ARL17A: variants seen among roughly 807,000 people sequenced by gnomAD.
ARL17A encodes the protein ADP-ribosylation factor-like 17-like.
At chr17:46,541,656 C>T (rs1180348553) in intron 3 of ARL17A, among the ~76,000 whole-genome samples, 2 of 150,666 alleles carry the variant, frequency 1.3e-5, no homozygotes, top group Non-Finnish European at 2.9e-5. Flanking sequence ...ATAGATTCAA[C>T]GAACCATGGA....
chr17:46,539,212 GAAA>G (rs1166753209), intron 3 of ARL17A, among the ~76,000 whole-genome samples: 1 of 40,030 alleles, frequency 2.5e-5, no homozygotes. Context: ...CTCCATCTCA[GAAA>G]AAAAAAAAAA....
downstream of ARL17A, among the ~76,000 whole-genome samples, chr17:46,550,948 C>T (rs2056733255): frequency 6.7e-6 from 1 of 149,160 alleles, no homozygotes; most frequent in African/African-American, 2.6e-5. Context: ...TACGTATTGT[C>T]TTGTAGACTT....
At chr17:46,502,033 T>C in the ARL17A span, among the ~76,000 whole-genome samples, 2 of 151,322 alleles carry the variant, frequency 1.3e-5, no homozygotes, top group Non-Finnish European at 2.9e-5. Context: ...CACTCAAATA[T>C]GGTAAAGGTA....
At chr17:46,534,568 A>G (rs1198339711) in intron 4 of ARL17A, among the ~76,000 whole-genome samples, 1 of 147,650 alleles carries the variant, frequency 6.8e-6, no homozygotes, top group Non-Finnish European at 1.5e-5. Flanking sequence ...TTAGTACAGA[A>G]CAAAATGGAG....
At chr17:46,525,736 T>G (rs1444032126), downstream of ARL17A, among the ~76,000 whole-genome samples, 2 of 101,508 alleles carry the variant, frequency 2.0e-5, no homozygotes, top group Admixed American at 1.9e-4. Context: ...TCAAAAACAT[T>G]CAGAGTGTCA....
At position 46,529,073 on chromosome 17, in the gene ARL17A, T is replaced by C. The variant is rs2053249540; in HGVS notation, c.336-214A>G. Among the ~76,000 whole-genome samples, 4 of 115,374 alleles carry C rather than the reference T, an allele frequency of 3.5e-5. No individual in the cohort carries two copies. The South Asian group carries it at 1.1e-3, about 33-fold the overall frequency. The allele number at this position is 115,374 out of a possible 152,430, so 75.7% of individuals were successfully genotyped here. ...CTTTGGACATTTTTTCAGCTAGAGC[T>C]GTTAGGATTTCAGTACATTTAAGAC... On this transcript the variant is annotated intron_variant, in intron 4 of 4. Transcript: ENST00000329240.
At chr17:46,545,862 A>T (rs1168850307) in intron 3 of ARL17A, among the ~76,000 whole-genome samples, 2 of 150,332 alleles carry the variant, frequency 1.3e-5, no homozygotes, top group South Asian at 2.1e-4. Context: ...GTAATTTATA[A>T]TATTTCCCAC....
chr17:46,525,573 T>A (rs1203970085), downstream of ARL17A, among the ~76,000 whole-genome samples: 1 of 101,818 alleles, frequency 9.8e-6, no homozygotes, highest in Non-Finnish European at 2.1e-5. Context: ...AGGGACAGAG[T>A]GAGACTCTGT....
At chr17:46,550,384 T>C, downstream of ARL17A, 1 of 748,948 alleles carries the variant, frequency 1.3e-6, no homozygotes, top group South Asian at 2.2e-5. Flanking sequence ...GCTCTCATTC[T>C]GGTTTTTTTT....
downstream of ARL17A, chr17:46,550,417 C>CA: frequency 1.4e-6 from 1 of 730,934 alleles, no homozygotes; most frequent in Non-Finnish European, 2.0e-6. Context: ...TTTTTTAGCT[C>CA]AAAAAAGAAG....
In ARL17A at chr17:46,558,836, CTTTTTTTTTTTT is replaced by C. The variant is rs765462293; in HGVS notation, c.260-1218_260-1207del. 106 of 71,826 alleles carry C rather than the reference CTTTTTTTTTTTT, an allele frequency of 1.5e-3. 5 individuals carry two copies. Among genetic ancestry groups the C allele is most frequent in the African/African-American group, 6.9e-3 (104 of 15,142 alleles). 4.4% of individuals were successfully genotyped at this position (71,826 alleles called of 1,614,324 possible). ...CCCAGAAAAAGGGACCTCTTTTATTCTTTTTTTTTTTTTTTTTTTTTTTTCAGAGACGGGCCT... is the reference window on the plus strand; with the variant it reads ...CCCAGAAAAAGGGACCTCTTTTATTCTTTTTTTTTTTTCAGAGACGGGCCT... On this transcript the variant is annotated intron_variant, in intron 3 of 3. Coordinates refer to ENST00000336125, the MANE Select transcript of ARL17A (RefSeq NM_001113738.2).
exon 5 of ARL17A, chr17:46,516,716 AG>A (rs2051412366): frequency 6.0e-6 from 1 of 165,364 alleles, no homozygotes; most frequent in Non-Finnish European, 1.3e-5. Flanking sequence ...CAAAACAGGA[AG>A]ATTATTTTAT....
intron 4 of ARL17A, among the ~76,000 whole-genome samples, chr17:46,534,863 G>A (rs574788305): frequency 6.7e-6 from 1 of 149,776 alleles, no homozygotes; most frequent in Non-Finnish European, 1.5e-5. Flanking sequence ...CGGCTGCCGG[G>A]CAGAGGGGCT....
chr17:46,568,546 A>G (rs1325763278), intron 3 of ARL17A, among the ~76,000 whole-genome samples: 2 of 105,614 alleles, frequency 1.9e-5, no homozygotes, highest in African/African-American at 3.8e-5. Flanking sequence ...GGCTCACACT[A>G]TGGTCTCAGC....
the ARL17A span, among the ~76,000 whole-genome samples, chr17:46,501,364 A>G: frequency 2.2e-4 from 34 of 151,212 alleles, 1 homozygote; most frequent in South Asian, 1.7e-3. Flanking sequence ...TAGTAGAGAT[A>G]GAGTTTCACC....
At chr17:46,527,842 GTTA>G (rs1261820311), downstream of ARL17A, among the ~76,000 whole-genome samples, 2 of 79,878 alleles carry the variant, frequency 2.5e-5, no homozygotes, top group East Asian at 3.0e-4. Flanking sequence ...TTGCGATGCG[GTTA>G]TTATTATCAT....
chr17:46,558,792 C>G (rs999877125), intron 3 of ARL17A: 6 of 133,666 alleles, frequency 4.5e-5, no homozygotes, highest in African/African-American at 1.4e-4. Flanking sequence ...TTCTAACTCA[C>G]ACTCCCCTAT....
At chr17:46,558,141 C>G (rs1331903040) in intron 3 of ARL17A, among the ~76,000 whole-genome samples, 1 of 123,424 alleles carries the variant, frequency 8.1e-6, no homozygotes, top group Non-Finnish European at 1.7e-5. Context: ...CTCACTGCAT[C>G]CTCCGCCTCC....
the ARL17A span, among the ~76,000 whole-genome samples, chr17:46,500,530 G>C: frequency 1.3e-5 from 2 of 149,732 alleles, no homozygotes; most frequent in African/African-American, 5.0e-5. Flanking sequence ...AGGAAGGACT[G>C]TTTCGAGGCA....
Sources: allele counts gnomAD v4.1 joint callset (sites outside exome capture counted in the v4.1 genomes callset), GRCh38; gene constraint gnomAD v4.1.1; transcripts MANE v1.5; gene names NCBI Gene and HGNC (gene_info 2026-07-23, HGNC 2026-07-21).